The following ULK4 variants were observed in gnomAD, a reference collection of about 807,000 sequenced individuals.
ULK4 encodes the protein inactive serine/threonine-protein kinase ULK4.
ULK4 carries 133 observed loss-of-function variants against 160.6 expected under a neutral mutation model. The ratio of observed to expected loss-of-function variants is 0.83; its 90% CI spans 0.72 to 0.96. The LOEUF is 0.96. Ranked by LOEUF, ULK4 falls within the 40% of genes least tolerant of loss-of-function variation. The pLI, the probability that ULK4 is intolerant of heterozygous loss-of-function variation, is 0.00. For synonymous variants in ULK4, 534 were observed against 539.8 expected (o/e 0.99, Z 0.15); for missense variants, 1,580 against 1,499.5 (o/e 1.05, Z -0.89).
At chr3:41,565,294 T>C (rs917171583) in intron 32 of ULK4, among the ~76,000 whole-genome samples, 3 of 152,234 alleles carry the variant, frequency 2.0e-5, no homozygotes. Flanking sequence ...TAAACCACTG[T>C]CAACTCATCC....
chr3:41,328,525 TGATAGTTTCTA>T (rs1347818956), intron 35 of ULK4, among the ~76,000 whole-genome samples: 13 of 152,136 alleles, frequency 8.5e-5, no homozygotes, highest in Non-Finnish European at 1.5e-4. Context: ...TGCAACATAC[TGATAGTTTCTA>T]GAGTTGTATT....
At chr3:41,824,794 G>A (rs1336224553) in intron 18 of ULK4, among the ~76,000 whole-genome samples, 4 of 152,178 alleles carry the variant, frequency 2.6e-5, no homozygotes, top group African/African-American at 9.7e-5. Flanking sequence ...AAATGTCCCT[G>A]TCTGCCAGCT....
intron 34 of ULK4, among the ~76,000 whole-genome samples, chr3:41,412,251 T>C (rs1181516215): frequency 6.6e-6 from 1 of 152,028 alleles, no homozygotes; most frequent in Non-Finnish European, 1.5e-5. Context: ...GACATGTGCA[T>C]GAAAAATACA....
intron 21 of ULK4, among the ~76,000 whole-genome samples, chr3:41,784,723 C>T (rs2039952205): frequency 6.6e-6 from 1 of 152,202 alleles, no homozygotes; most frequent in Non-Finnish European, 1.5e-5. Context: ...AGGACACTGA[C>T]ACCCAAGTAG....
intron 20 of ULK4, among the ~76,000 whole-genome samples, chr3:41,793,016 T>C (rs1431171757): frequency 6.6e-6 from 1 of 151,994 alleles, no homozygotes; most frequent in Non-Finnish European, 1.5e-5. Context: ...CTACTAAAAA[T>C]ACAAAAATTA....
intron 35 of ULK4, among the ~76,000 whole-genome samples, chr3:41,265,911 T>G (rs2125681012): frequency 6.6e-6 from 1 of 152,236 alleles, no homozygotes; most frequent in South Asian, 2.1e-4. Context: ...TAGCTATGTG[T>G]GTGGTAGGGG....
chr3:41,752,701 A>C (rs1338364892), intron 22 of ULK4, among the ~76,000 whole-genome samples: 1 of 152,230 alleles, frequency 6.6e-6, no homozygotes, highest in Non-Finnish European at 1.5e-5. Context: ...CTGTGTGAAG[A>C]CATTTTCAAA....
At chr3:41,710,342 T>C (rs1456307382) in intron 25 of ULK4, among the ~76,000 whole-genome samples, 1 of 152,016 alleles carries the variant, frequency 6.6e-6, no homozygotes, top group African/African-American at 2.4e-5. Flanking sequence ...TAGTAGGCAT[T>C]GGAGATTCAA....
Position 41,649,377 on chromosome 3 carries a change from C to G in ULK4, c.3071+14230G>C, listed in dbSNP as rs558688243. ...CCTACTGAGTCAGCAGGGCAGGGTA[C>G]CTGTGCACCTAGCTGCAGCTGCAGC... On this transcript the variant is annotated intron_variant, in intron 30 of 36. Transcript: ENST00000301831. Among the ~76,000 whole-genome samples, 7 of 152,158 alleles carry G rather than the reference C, an allele frequency of 4.6e-5. No individual in the cohort carries two copies. In the South Asian group the frequency reaches 1.5e-3, roughly 32 times the overall value.
At chr3:41,796,069 G>A (rs1476179930) in intron 20 of ULK4, among the ~76,000 whole-genome samples, 1 of 152,122 alleles carries the variant, frequency 6.6e-6, no homozygotes, top group East Asian at 1.9e-4. Flanking sequence ...TCTGAGAAAG[G>A]AGGTCAATGA....
intron 29 of ULK4, among the ~76,000 whole-genome samples, chr3:41,678,691 A>T (rs144129080): frequency 6.6e-6 from 1 of 152,242 alleles, no homozygotes; most frequent in South Asian, 2.1e-4. Flanking sequence ...CTAATACAAT[A>T]CTTCCCTGTG....
At chr3:41,885,817 T>G (rs755398727) in intron 16 of ULK4, among the ~76,000 whole-genome samples, 4 of 152,128 alleles carry the variant, frequency 2.6e-5, no homozygotes, top group Non-Finnish European at 4.4e-5. Flanking sequence ...TAGCTGGGAC[T>G]ATAGGTGTGC....
intron 16 of ULK4, among the ~76,000 whole-genome samples, chr3:41,890,640 C>T (rs981392371): frequency 2.7e-5 from 4 of 148,980 alleles, no homozygotes; most frequent in Admixed American, 1.3e-4. Flanking sequence ...GATCGCGCCA[C>T]TGCACTCCAG....
chr3:41,408,252 C>T (rs2082334634), intron 34 of ULK4, among the ~76,000 whole-genome samples: 1 of 151,166 alleles, frequency 6.6e-6, no homozygotes, highest in Non-Finnish European at 1.5e-5. Flanking sequence ...CACGGTGAAA[C>T]CCTGTCTCTA....
chr3:41,565,291 C>T (rs566571408), intron 32 of ULK4, among the ~76,000 whole-genome samples: 2 of 152,210 alleles, frequency 1.3e-5, no homozygotes, highest in South Asian at 4.1e-4. Context: ...AAGTAAACCA[C>T]TGTCAACTCA....
At chr3:41,397,911 T>C (rs914411993) in intron 35 of ULK4, among the ~76,000 whole-genome samples, 168 bp downstream of exon 35, 4 of 152,182 alleles carry the variant, frequency 2.6e-5, no homozygotes, top group African/African-American at 9.6e-5. Flanking sequence ...AAACAGTATA[T>C]GACAAATGTC....
chr3:41,836,584 C>G (rs1322428590), intron 17 of ULK4, among the ~76,000 whole-genome samples: 1 of 152,146 alleles, frequency 6.6e-6, no homozygotes, highest in Non-Finnish European at 1.5e-5. Context: ...GCAACTGGCC[C>G]CAAGCCATCC....
At chr3:41,520,589 C>T (rs2085900203) in intron 32 of ULK4, among the ~76,000 whole-genome samples, 3 of 152,240 alleles carry the variant, frequency 2.0e-5, no homozygotes, top group East Asian at 1.9e-4. Context: ...AAGAGAATTG[C>T]TCAATCATAT....
At chr3:41,842,949 T>G (rs2041972014) in intron 17 of ULK4, among the ~76,000 whole-genome samples, 1 of 152,216 alleles carries the variant, frequency 6.6e-6, no homozygotes, top group South Asian at 2.1e-4. Context: ...CAATAAATAG[T>G]GCTGAAGCCA....
Sources: allele counts gnomAD v4.1 joint callset (sites outside exome capture counted in the v4.1 genomes callset), GRCh38; gene constraint gnomAD v4.1.1; transcripts MANE v1.5; gene names NCBI Gene and HGNC (gene_info 2026-07-23, HGNC 2026-07-21).